The following IGF1R variants were observed in gnomAD, a reference collection of about 807,000 sequenced individuals.
IGF1R encodes the protein insulin like growth factor 1 receptor, also known as insulin-like growth factor 1 receptor.
IGF1R carries 44 observed loss-of-function variants against 144.6 expected under a neutral mutation model. The ratio of observed to expected loss-of-function variants is 0.30; its 90% CI spans 0.24 to 0.39. The LOEUF is 0.39. Among genes scored for constraint, IGF1R ranks in the 10% least tolerant of loss-of-function variants. IGF1R has a pLI of 1.00. For synonymous variants in IGF1R, 795 were observed against 722.8 expected (o/e 1.10, Z -1.60); for missense variants, 1,355 against 1,833.7 (o/e 0.74, Z 4.77).
At chr15:98,950,639 C>T (rs933611017) in intron 20 of IGF1R, among the ~76,000 whole-genome samples, 1 of 152,214 alleles carries the variant, frequency 6.6e-6, no homozygotes, top group African/African-American at 2.4e-5. Flanking sequence ...GGACAGCTCT[C>T]TACTGCTTCT....
At chr15:98,690,904 AATAG>A (rs1192785576) in intron 1 of IGF1R, among the ~76,000 whole-genome samples, 1 of 152,206 alleles carries the variant, frequency 6.6e-6, no homozygotes, top group Non-Finnish European at 1.5e-5. Context: ...AAAACATTTA[AATAG>A]ATCCCTGTTG....
chr15:98,877,717 G>T (rs907825639), intron 2 of IGF1R, among the ~76,000 whole-genome samples: 1 of 152,110 alleles, frequency 6.6e-6, no homozygotes, highest in South Asian at 2.1e-4. Context: ...ACTGTGATTT[G>T]CCTGTACAGG....
Position 98,662,647 on chromosome 15 carries a change from T to C in IGF1R, c.94+12972T>C, listed in dbSNP as rs573332430. ...TGGAGAGTAACAGATGCTATGAGTT[T>C]AGTGCTAAGTTATGGGATGCTGACC... is the stretch of plus-strand genomic sequence containing the variant. On this transcript the variant is annotated intron_variant, in intron 1 of 20. Transcript: ENST00000650285. Among the ~76,000 whole-genome samples, 4 of 152,256 alleles carry C rather than the reference T, an allele frequency of 2.6e-5. No individual in the cohort carries two copies. In the South Asian group the frequency reaches 8.3e-4, roughly 32 times the overall value.
At chr15:98,815,536 A>T (rs1485629078) in intron 2 of IGF1R, among the ~76,000 whole-genome samples, 1 of 152,210 alleles carries the variant, frequency 6.6e-6, no homozygotes, top group Non-Finnish European at 1.5e-5. Flanking sequence ...TCCTATTGCA[A>T]TTATTTATGG....
At chr15:98,884,678 C>T (rs995168187) in intron 2 of IGF1R, among the ~76,000 whole-genome samples, 2 of 108,460 alleles carry the variant, frequency 1.8e-5, no homozygotes, top group African/African-American at 3.2e-5. Flanking sequence ...AGTGACACTC[C>T]GTCTCAAAAA....
chr15:98,669,717 T>C (rs1352464525), intron 1 of IGF1R, among the ~76,000 whole-genome samples: 1 of 152,174 alleles, frequency 6.6e-6, no homozygotes, highest in African/African-American at 2.4e-5. Flanking sequence ...CAGGTGGGTG[T>C]GGAAGCTGAG....
At chr15:98,824,538 C>T (rs755548994) in intron 2 of IGF1R, among the ~76,000 whole-genome samples, 2 of 152,202 alleles carry the variant, frequency 1.3e-5, no homozygotes, top group Admixed American at 1.3e-4. Flanking sequence ...AACCATTAGA[C>T]TCAGCTTTCC....
intron 2 of IGF1R, among the ~76,000 whole-genome samples, chr15:98,813,227 G>C (rs1467814698): frequency 6.6e-6 from 1 of 152,164 alleles, no homozygotes; most frequent in Non-Finnish European, 1.5e-5. Flanking sequence ...TAGTGAATGA[G>C]TACAATGCTC....
At chr15:98,869,892 G>A (rs1313090972) in intron 2 of IGF1R, among the ~76,000 whole-genome samples, 1 of 152,184 alleles carries the variant, frequency 6.6e-6, no homozygotes, top group South Asian at 2.1e-4. Context: ...CTATCTGTGT[G>A]TAAGGCTCTC....
rs1460683570 is a variant in IGF1R, at chr15:98,935,924, C to T, written c.3297+498C>T. ...TTCATCTCAGTCCAAGTGTGTGGCT[C>T]AGGGCCGCATTTGTGGCAGGCACTC... is the stretch of plus-strand genomic sequence containing the variant. On this transcript the variant is annotated intron_variant, in intron 17 of 20. Coordinates refer to ENST00000650285, the MANE Select transcript of IGF1R (RefSeq NM_000875.5). This position sits in a 1 kb window ranked among gnomAD's most constrained non-coding sequence, Gnocchi z 4.2. 3.3e-5 allele frequency among the ~76,000 whole-genome samples: 5 copies of T among 152,216 alleles called. No individual in the cohort carries two copies. In the East Asian group the frequency reaches 9.6e-4, roughly 29 times the overall value.
chr15:98,694,121 CT>C, intron 1 of IGF1R, among the ~76,000 whole-genome samples: 1 of 152,162 alleles, frequency 6.6e-6, no homozygotes, highest in Non-Finnish European at 1.5e-5. Context: ...AATTGGCATA[CT>C]TTTATTCCTC....
intron 2 of IGF1R, among the ~76,000 whole-genome samples, chr15:98,870,695 C>T (rs1160734250): frequency 6.6e-6 from 1 of 152,206 alleles, no homozygotes; most frequent in Non-Finnish European, 1.5e-5. Context: ...GACACAGCCG[C>T]ATCCCAGAAG....
intron 2 of IGF1R, among the ~76,000 whole-genome samples, chr15:98,859,756 C>T (rs2012042797): frequency 6.6e-6 from 1 of 152,120 alleles, no homozygotes; most frequent in South Asian, 2.1e-4. Context: ...ATAAGATGTC[C>T]TAGCCTAAAT....
At chr15:98,929,738 T>C (rs1168021724) in intron 14 of IGF1R, 78 bp downstream of exon 14, 4 of 997,762 alleles carry the variant, frequency 4.0e-6, no homozygotes, top group Non-Finnish European at 4.8e-6. Context: ...GGTGATATTT[T>C]TGAAGATTTC....
chr15:98,651,516 T>TA, intron 1 of IGF1R, among the ~76,000 whole-genome samples: 1 of 152,374 alleles, frequency 6.6e-6, no homozygotes, highest in South Asian at 2.1e-4. Flanking sequence ...TCCATTTTGT[T>TA]ATGTTATGCA....
At chr15:98,817,904 G>A (rs1428342379) in intron 2 of IGF1R, among the ~76,000 whole-genome samples, 4 of 152,126 alleles carry the variant, frequency 2.6e-5, no homozygotes, top group Middle Eastern at 3.2e-3. Context: ...TCTCTCCAGC[G>A]TCATGGTTGG....
At chr15:98,742,038 G>A (rs1011167779) in intron 2 of IGF1R, among the ~76,000 whole-genome samples, 2 of 152,182 alleles carry the variant, frequency 1.3e-5, no homozygotes, top group African/African-American at 4.8e-5. Context: ...TGTGAGGCAA[G>A]GGAACTTGAC....
chr15:98,698,578 C>T (rs1296738096), intron 1 of IGF1R, among the ~76,000 whole-genome samples: 2 of 152,240 alleles, frequency 1.3e-5, no homozygotes, highest in Non-Finnish European at 2.9e-5. Flanking sequence ...TTTCACTTAG[C>T]ATAATGTCCT....
intron 1 of IGF1R, among the ~76,000 whole-genome samples, chr15:98,652,440 A>G (rs2052391102): frequency 1.3e-5 from 2 of 152,258 alleles, no homozygotes; most frequent in Admixed American, 6.5e-5. Context: ...GAACTTCTGA[A>G]AGAACCTAAA....
Sources: allele counts gnomAD v4.1 joint callset (sites outside exome capture counted in the v4.1 genomes callset), GRCh38; gene constraint gnomAD v4.1.1; non-coding constraint Gnocchi (gnomAD v3.1); transcripts MANE v1.5; gene names NCBI Gene and HGNC (gene_info 2026-07-23, HGNC 2026-07-21).